Variants in ASIC2 observed in about 807,000 individuals in gnomAD.
The protein encoded by ASIC2 is acid sensing ion channel subunit 2.
Under a neutral mutation model 57.3 loss-of-function variants are expected in ASIC2, and 25 were observed. That is an observed-to-expected ratio of 0.44 (90% CI 0.32 to 0.61). The LOEUF (loss-of-function observed/expected upper bound fraction) is 0.61. Among genes scored for constraint, ASIC2 ranks in the 20% least tolerant of loss-of-function variants. ASIC2 has a pLI of 0.06. For synonymous variants in ASIC2, 319 were observed against 307.5 expected (o/e 1.04, Z -0.39); for missense variants, 641 against 738.1 (o/e 0.87, Z 1.52).
At chr17:34,003,056 C>T (rs192789114) in intron 1 of ASIC2, 29 of 152,300 alleles carry the variant, frequency 1.9e-4, no homozygotes, top group African/African-American at 6.7e-4. Flanking sequence ...CTCTGGTCTC[C>T]TTGCTGGGAT....
At chr17:33,315,028 T>C (rs951839016) in intron 1 of ASIC2, among the ~76,000 whole-genome samples, 3 of 152,194 alleles carry the variant, frequency 2.0e-5, no homozygotes, top group Non-Finnish European at 2.9e-5. Context: ...AAACTTCAGT[T>C]GAAATTTCAT....
At chr17:33,987,230 G>A (rs1905849515) in intron 1 of ASIC2, among the ~76,000 whole-genome samples, 1 of 152,178 alleles carries the variant, frequency 6.6e-6, no homozygotes, top group South Asian at 2.1e-4. Flanking sequence ...CAACTCGGCT[G>A]CTCCCATGAC....
intron 1 of ASIC2, chr17:34,039,389 C>T: frequency 6.2e-7 from 1 of 1,613,930 alleles, no homozygotes; most frequent in Non-Finnish European, 8.5e-7. Flanking sequence ...GCCAGCTGCT[C>T]TGTGTCAAGC....
chr17:33,676,973 G>A lies in ASIC2; in HGVS notation c.555+479005C>T, dbSNP rs554695412. On this transcript the variant is annotated intron_variant, in intron 1 of 9. Transcript: ENST00000359872. ...TTAAGTTTGTGCCCCCCATGCCACT[G>A]CCTCGCTTGCACCTTCTTTTGCCAT... is the stretch of plus-strand genomic sequence containing the variant. Among the ~76,000 whole-genome samples the A allele has an allele frequency of 3.3e-5, 5 of 152,282 alleles. No homozygotes were observed. In the South Asian group the frequency reaches 1.0e-3, roughly 32 times the overall value.
At chr17:33,375,171 C>A (rs1841489990) in intron 1 of ASIC2, among the ~76,000 whole-genome samples, 1 of 151,796 alleles carries the variant, frequency 6.6e-6, no homozygotes, top group Admixed American at 6.6e-5. Context: ...GGCAGAGAGC[C>A]CTGTGGTGGG....
intron 1 of ASIC2, among the ~76,000 whole-genome samples, chr17:33,486,226 T>C (rs1007521659): frequency 6.6e-6 from 1 of 152,234 alleles, no homozygotes; most frequent in Non-Finnish European, 1.5e-5. Context: ...CGGGTAGTGT[T>C]TTCATGGCTT....
intron 1 of ASIC2, among the ~76,000 whole-genome samples, chr17:33,508,457 G>A (rs770973557): frequency 6.6e-6 from 1 of 152,190 alleles, no homozygotes; most frequent in Admixed American, 6.5e-5. Context: ...GCCCAGTAGA[G>A]AGAGAAGACA....
At chr17:33,828,472 C>T (rs1913007912) in intron 1 of ASIC2, 1 of 152,190 alleles carries the variant, frequency 6.6e-6, no homozygotes, top group Non-Finnish European at 1.5e-5. Context: ...TCATCAGTAA[C>T]TTGTATGACC....
chr17:34,004,431 C>G (rs1906455405), intron 1 of ASIC2: 1 of 152,240 alleles, frequency 6.6e-6, no homozygotes, highest in South Asian at 2.1e-4. Flanking sequence ...ATTAAGCGAT[C>G]TGTCTTGTCG....
intron 1 of ASIC2, among the ~76,000 whole-genome samples, chr17:34,083,031 TA>T (rs1909955186): frequency 6.7e-6 from 1 of 149,492 alleles, no homozygotes; most frequent in African/African-American, 2.5e-5. Flanking sequence ...ATTTTTTTTT[TA>T]TCATTATACT....
At chr17:33,325,000 G>A (rs1171124983) in intron 1 of ASIC2, among the ~76,000 whole-genome samples, 1 of 152,184 alleles carries the variant, frequency 6.6e-6, no homozygotes, top group Non-Finnish European at 1.5e-5. Flanking sequence ...GAAGAAGAGG[G>A]GGTGAATGCT....
chr17:33,368,730 G>T (rs1254309754), intron 1 of ASIC2, among the ~76,000 whole-genome samples: 1 of 152,054 alleles, frequency 6.6e-6, no homozygotes, highest in African/African-American at 2.4e-5. Context: ...TTTGGACTTT[G>T]CTTCTTTGGC....
intron 1 of ASIC2, among the ~76,000 whole-genome samples, chr17:33,642,824 A>C (rs1347103476): frequency 2.6e-5 from 4 of 152,218 alleles, no homozygotes; most frequent in Admixed American, 2.0e-4. Flanking sequence ...TGAAATGCCA[A>C]GCACCTTCAT....
At chr17:33,717,199 A>C (rs1387834179) in intron 1 of ASIC2, among the ~76,000 whole-genome samples, 1 of 152,250 alleles carries the variant, frequency 6.6e-6, no homozygotes. Context: ...TTACCATTTC[A>C]GGAAAATATG....
chr17:33,022,785 C>T (rs1380107156), intron 6 of ASIC2, among the ~76,000 whole-genome samples: 1 of 152,114 alleles, frequency 6.6e-6, no homozygotes, highest in Non-Finnish European at 1.5e-5. Context: ...TCTAGTGGGG[C>T]AGACAGGTAA....
chr17:34,084,975 T>C (rs562540335), intron 1 of ASIC2, among the ~76,000 whole-genome samples: 78 of 152,294 alleles, frequency 5.1e-4, no homozygotes, highest in East Asian at 9.7e-4. Flanking sequence ...ACAATCATGT[T>C]GTCTGCAAAT....
chr17:33,304,768 A>G (rs549929228), intron 1 of ASIC2, among the ~76,000 whole-genome samples: 146 of 152,306 alleles, frequency 9.6e-4, no homozygotes, highest in Non-Finnish European at 1.6e-3. Context: ...ACAAACTCAG[A>G]TGCGAAACTG....
intron 1 of ASIC2, among the ~76,000 whole-genome samples, chr17:33,129,727 G>T (rs947355816): frequency 2.6e-5 from 4 of 152,192 alleles, no homozygotes; most frequent in African/African-American, 9.7e-5. Context: ...GGCCAACCTG[G>T]AGACTCATTC....
intron 1 of ASIC2, among the ~76,000 whole-genome samples, chr17:33,697,713 A>T (rs1336429839): frequency 1.3e-5 from 2 of 152,190 alleles, no homozygotes; most frequent in African/African-American, 2.4e-5. Flanking sequence ...TTGACTAAGG[A>T]CTGCTGCTCT....
Sources: gnomAD v4.1 joint callset for allele counts (sites outside exome capture counted in the v4.1 genomes callset) on GRCh38, gnomAD v4.1.1 for gene constraint, MANE v1.5 for transcripts, NCBI Gene and HGNC (gene_info 2026-07-23, HGNC 2026-07-21) for gene names.